Variants in APP observed in about 807,000 individuals in gnomAD.
The protein encoded by APP is amyloid-beta precursor protein.
APP carries 31 observed loss-of-function variants against 101.4 expected under a neutral mutation model. The ratio of observed to expected loss-of-function variants is 0.31; its 90% CI spans 0.23 to 0.41. The LOEUF is 0.41. Among genes scored for constraint, APP ranks in the 10% least tolerant of loss-of-function variants. APP has a pLI of 1.00. For missense variants in APP, 839 were observed against 1,003.7 expected, an observed-to-expected ratio of 0.84 and a Z score of 2.22; for synonymous variants, 366 against 364.4, an observed-to-expected ratio of 1.00 and a Z score of -0.05.
chr21:26,072,511 T>C (rs2061426403), intron 3 of APP, among the ~76,000 whole-genome samples: 1 of 152,352 alleles, frequency 6.6e-6, no homozygotes, highest in Middle Eastern at 3.4e-3. Context: ...CGTCAAACTT[T>C]GAGAGGATTA....
chr21:25,945,781 C>T (rs1028422849), intron 13 of APP: 1 of 413,004 alleles, frequency 2.4e-6, no homozygotes, highest in African/African-American at 2.1e-5. Flanking sequence ...TCAGCCACCC[C>T]AGGCTCAGGA....
chr21:26,159,305 T>C (rs1373169051), intron 1 of APP, among the ~76,000 whole-genome samples: 1 of 152,198 alleles, frequency 6.6e-6, no homozygotes, highest in African/African-American at 2.4e-5. Flanking sequence ...GGACTGGATC[T>C]CCTGACCTCG....
intron 1 of APP, among the ~76,000 whole-genome samples, chr21:26,153,455 C>CTTGTTGTTG (rs3084288): frequency 4.6e-5 from 7 of 151,218 alleles, no homozygotes; most frequent in Non-Finnish European, 7.4e-5. Context: ...ACCCCTGTAC[C>CTTGTTGTTG]TTGTTGTTGT....
At chr21:26,170,937 G>A, upstream of APP, 1 of 266,806 alleles carries the variant, frequency 3.7e-6, no homozygotes, top group Admixed American at 5.5e-5. Flanking sequence ...CGCCCTTGGC[G>A]CCGCCTGCAC....
chr21:26,081,785 T>A (rs2146080476), intron 3 of APP, among the ~76,000 whole-genome samples: 1 of 152,340 alleles, frequency 6.6e-6, no homozygotes, highest in African/African-American at 2.4e-5. Flanking sequence ...TATCAGTTTT[T>A]CTCTAGGTAT....
At chr21:26,047,006 C>G (rs1041053314) in intron 5 of APP, among the ~76,000 whole-genome samples, 1 of 152,160 alleles carries the variant, frequency 6.6e-6, no homozygotes, top group African/African-American at 2.4e-5. Flanking sequence ...TGCTACATTA[C>G]AGACTGCATA....
chr21:25,993,595 C>G (rs2042950415), intron 8 of APP, among the ~76,000 whole-genome samples: 1 of 152,230 alleles, frequency 6.6e-6, no homozygotes, highest in Non-Finnish European at 1.5e-5. Context: ...GGACAATAGT[C>G]TAACAAATTC....
intron 3 of APP, among the ~76,000 whole-genome samples, chr21:26,087,285 G>A (rs943588541): frequency 6.6e-6 from 1 of 152,114 alleles, no homozygotes; most frequent in African/African-American, 2.4e-5. Context: ...GTCATATTAG[G>A]GTCTAATTTC....
At chr21:25,938,736 T>G (rs2040453360) in intron 13 of APP, among the ~76,000 whole-genome samples, 1 of 152,178 alleles carries the variant, frequency 6.6e-6, no homozygotes, top group South Asian at 2.1e-4. Context: ...TTAAAGCAGC[T>G]AAACCGAAGA....
chr21:26,092,984 TGA>T (rs2061859597), intron 2 of APP, among the ~76,000 whole-genome samples: 1 of 152,206 alleles, frequency 6.6e-6, no homozygotes, highest in South Asian at 2.1e-4. Context: ...GGGTGGGTGC[TGA>T]GAGAGTTATT....
At chr21:26,023,608 C>A (rs978447055) in intron 5 of APP, among the ~76,000 whole-genome samples, 2 of 151,936 alleles carry the variant, frequency 1.3e-5, no homozygotes, top group African/African-American at 2.4e-5. Context: ...AAGGCTGGGG[C>A]GGGAGGATTG....
At chr21:25,976,654 C>T (rs2042234648) in intron 9 of APP, among the ~76,000 whole-genome samples, 1 of 152,180 alleles carries the variant, frequency 6.6e-6, no homozygotes, top group African/African-American at 2.4e-5. Context: ...CTTCCAAAAA[C>T]TCCAAGAAAA....
chr21:26,068,150 G>T (rs987039019), intron 3 of APP: 1 of 152,214 alleles, frequency 6.6e-6, no homozygotes, highest in Non-Finnish European at 1.5e-5. Context: ...ATGTGCGAGG[G>T]AGGCTATAAT....
chr21:26,136,694 G>A (rs1273053318), intron 1 of APP, among the ~76,000 whole-genome samples: 1 of 151,854 alleles, frequency 6.6e-6, no homozygotes, highest in African/African-American at 2.4e-5. Flanking sequence ...TGAGCTTTGA[G>A]CAACTTACAA....
At chr21:25,935,558 T>C (rs2040323703) in intron 13 of APP, among the ~76,000 whole-genome samples, 1 of 152,112 alleles carries the variant, frequency 6.6e-6, no homozygotes, top group African/African-American at 2.4e-5. Flanking sequence ...TAAAAAAATC[T>C]GGGCTGGGCG....
chr21:25,907,971 G>A (rs1825746313), intron 14 of APP, among the ~76,000 whole-genome samples: 2 of 152,154 alleles, frequency 1.3e-5, no homozygotes, highest in Non-Finnish European at 2.9e-5. Context: ...GACCTGCTTT[G>A]TCTCTTTAAA....
At chr21:25,968,303 C>A (rs1332897138) in intron 11 of APP, among the ~76,000 whole-genome samples, 1 of 151,140 alleles carries the variant, frequency 6.6e-6, no homozygotes, top group Non-Finnish European at 1.5e-5. Context: ...CACCATCATG[C>A]CTGGCTAATT....
chr21:26,162,479 A>G (rs948608502), intron 1 of APP, among the ~76,000 whole-genome samples: 1 of 152,164 alleles, frequency 6.6e-6, no homozygotes, highest in African/African-American at 2.4e-5. Context: ...TTGCCTCACT[A>G]ATTTTACTGT....
intron 1 of APP, among the ~76,000 whole-genome samples, chr21:26,129,363 C>T (rs532889068): frequency 2.6e-5 from 4 of 151,854 alleles, no homozygotes; most frequent in Admixed American, 1.3e-4. Flanking sequence ...CCCAGCTACT[C>T]AGGAGGCTGA....
Sources: gnomAD v4.1 joint callset for allele counts (sites outside exome capture counted in the v4.1 genomes callset) on GRCh38, gnomAD v4.1.1 for gene constraint, MANE v1.5 for transcripts, NCBI Gene and HGNC (gene_info 2026-07-23, HGNC 2026-07-21) for gene names.